Variants in KIF26B observed in about 807,000 individuals in gnomAD.
The protein encoded by KIF26B is kinesin family member 26B.
Under a neutral mutation model 151.2 loss-of-function variants are expected in KIF26B, and 63 were observed. That is an observed-to-expected ratio of 0.42 (90% CI 0.34 to 0.51). The LOEUF is 0.51. KIF26B is among the 20% of genes least tolerant of loss of function. KIF26B has a pLI of 0.07. For synonymous variants in KIF26B, 1,357 were observed against 1,262.1 expected, an observed-to-expected ratio of 1.08 and a Z score of -1.59; for missense variants, 2,813 against 2,913.6, an observed-to-expected ratio of 0.97 and a Z score of 0.79.
At chr1:245,616,257 T>A (rs773775096) in intron 9 of KIF26B, among the ~76,000 whole-genome samples, 30 of 152,256 alleles carry the variant, frequency 2.0e-4, no homozygotes, top group Non-Finnish European at 2.8e-4. Context: ...TCTCCCTGTT[T>A]AAAAGCTCAT....
chr1:245,499,924 C>G (rs1371884383), intron 4 of KIF26B, among the ~76,000 whole-genome samples: 8 of 152,200 alleles, frequency 5.3e-5, no homozygotes, highest in African/African-American at 1.9e-4. Context: ...ACATTCTCCC[C>G]CTTCTAGGAA....
chr1:245,397,085 G>A (rs574849150), intron 3 of KIF26B, among the ~76,000 whole-genome samples: 3 of 150,960 alleles, frequency 2.0e-5, no homozygotes, highest in Admixed American at 6.6e-5. Flanking sequence ...ACAGCCTCCC[G>A]AGTAGCTGGG....
intron 2 of KIF26B, among the ~76,000 whole-genome samples, chr1:245,283,306 A>G (rs1169141922): frequency 6.6e-6 from 1 of 151,856 alleles, no homozygotes. Context: ...CAATCCGCGC[A>G]AGCCCAACCA....
chr1:245,440,748 G>T (rs917097953), intron 4 of KIF26B, among the ~76,000 whole-genome samples: 2 of 152,150 alleles, frequency 1.3e-5, no homozygotes, highest in Non-Finnish European at 1.5e-5. Flanking sequence ...CCGTTATTCC[G>T]AGCACTTTTA....
intron 2 of KIF26B, among the ~76,000 whole-genome samples, chr1:245,165,960 T>G (rs988272208): frequency 6.6e-6 from 1 of 152,218 alleles, no homozygotes; most frequent in Non-Finnish European, 1.5e-5. Context: ...CTGAGGACAC[T>G]GAGATACAAG....
intron 5 of KIF26B, among the ~76,000 whole-genome samples, chr1:245,573,903 C>T (rs371439822): frequency 1.3e-4 from 20 of 152,158 alleles, no homozygotes; most frequent in African/African-American, 3.4e-4. Context: ...CCAGGCAGGA[C>T]GAAATGAGAT....
chr1:245,585,847 C>T (rs553245704), intron 5 of KIF26B, among the ~76,000 whole-genome samples: 16 of 152,134 alleles, frequency 1.1e-4, no homozygotes, highest in African/African-American at 3.9e-4. Context: ...ATGCATACAG[C>T]CGACTCTTAA....
At chr1:245,552,355 G>A (rs1446283200) in intron 5 of KIF26B, among the ~76,000 whole-genome samples, 1 of 152,052 alleles carries the variant, frequency 6.6e-6, no homozygotes, top group East Asian at 1.9e-4. Flanking sequence ...CAACTGGTTG[G>A]ATGGAGCCCA....
intron 10 of KIF26B, among the ~76,000 whole-genome samples, chr1:245,677,255 C>T (rs2044368251): frequency 6.6e-6 from 1 of 152,164 alleles, no homozygotes; most frequent in South Asian, 2.1e-4. Context: ...GATGAGACAA[C>T]TAATCATCGT....
At chr1:245,455,742 C>T (rs1260901482) in intron 4 of KIF26B, among the ~76,000 whole-genome samples, 1 of 152,116 alleles carries the variant, frequency 6.6e-6, no homozygotes, top group Non-Finnish European at 1.5e-5. Flanking sequence ...CTGAGCAATG[C>T]TAGACTCTTG....
chr1:245,226,051 C>T (rs540700690), intron 2 of KIF26B: 1 of 152,246 alleles, frequency 6.6e-6, no homozygotes, highest in Non-Finnish European at 1.5e-5. Flanking sequence ...GATTGATGTC[C>T]ATGATCTCGC....
At chr1:245,357,990 C>T (rs922289766) in intron 2 of KIF26B, among the ~76,000 whole-genome samples, 1 of 152,166 alleles carries the variant, frequency 6.6e-6, no homozygotes, top group Admixed American at 6.5e-5. Flanking sequence ...CATCATAGCT[C>T]ACTGCATCCT....
In KIF26B at chr1:245,528,484, C is replaced by G. The variant is rs111835314; in HGVS notation, c.1167-12283C>G. Among the ~76,000 whole-genome samples the G allele has an allele frequency of 9.2e-3, 1,396 of 152,244 alleles. 22 individuals are homozygous for G. The highest frequency in any genetic ancestry group is 0.032 in the African/African-American group (1,317 of 41,542). Reference sequence around the variant, plus strand: ...CTCCTCCCTGATGAAGATCTTGTGACTGTGTACTGGCAGGTTGGAGCCCAC... The same window carrying G: ...CTCCTCCCTGATGAAGATCTTGTGAGTGTGTACTGGCAGGTTGGAGCCCAC... On this transcript the variant is annotated intron_variant, in intron 4 of 14. Transcript: ENST00000407071.
chr1:245,372,284 C>T (rs912526493), intron 3 of KIF26B, among the ~76,000 whole-genome samples: 3 of 152,180 alleles, frequency 2.0e-5, no homozygotes, highest in Non-Finnish European at 4.4e-5. Flanking sequence ...CATCCCATCT[C>T]CGCGCCCTAT....
intron 2 of KIF26B, among the ~76,000 whole-genome samples, chr1:245,362,267 G>A (rs1236084844): frequency 6.6e-6 from 1 of 150,598 alleles, no homozygotes; most frequent in Non-Finnish European, 1.5e-5. Context: ...GGTGGCTCAT[G>A]CCGGTAATCC....
At chr1:245,447,814 T>C (rs1159322430) in intron 4 of KIF26B, among the ~76,000 whole-genome samples, 2 of 152,172 alleles carry the variant, frequency 1.3e-5, no homozygotes, top group Non-Finnish European at 2.9e-5. Flanking sequence ...TTAATCTACA[T>C]GTAATTAAAA....
At chr1:245,346,283 C>T (rs556177917) in intron 2 of KIF26B, among the ~76,000 whole-genome samples, 4 of 152,230 alleles carry the variant, frequency 2.6e-5, no homozygotes, top group African/African-American at 4.8e-5. Flanking sequence ...CAGACTAATA[C>T]AGTCCCTTTA....
At position 245,410,386 on chromosome 1, in the gene KIF26B, G is replaced by T. The variant is rs188157279; in HGVS notation, c.1000-9193G>T. Among the ~76,000 whole-genome samples, 3 of 152,296 alleles carry T rather than the reference G, an allele frequency of 2.0e-5. No homozygotes were observed. In the East Asian group the frequency reaches 5.8e-4, roughly 29 times the overall value. On this transcript the variant is annotated intron_variant, in intron 3 of 14. Coordinates refer to ENST00000407071, the MANE Select transcript of KIF26B (RefSeq NM_018012.4). ...CCACACTCTCTAAAATGGCACAGCA[G>T]GTAGGTAGCCACGTGGAACAAGTTG...
chr1:245,434,973 GTCCA>G (rs371849206), intron 4 of KIF26B, among the ~76,000 whole-genome samples: 4,020 of 135,694 alleles, frequency 0.03, 94 homozygotes, highest in African/African-American at 0.071. Flanking sequence ...ATGCTCTTTT[GTCCA>G]TCCATCCATC....
Sources: gnomAD v4.1 joint callset for allele counts (sites outside exome capture counted in the v4.1 genomes callset) on GRCh38, gnomAD v4.1.1 for gene constraint, MANE v1.5 for transcripts, NCBI Gene and HGNC (gene_info 2026-07-23, HGNC 2026-07-21) for gene names.